Variants in TENM2 observed in about 807,000 individuals in gnomAD.
TENM2 encodes teneurin transmembrane protein 2.
A neutral mutation model predicts 245.2 loss-of-function variants in TENM2; 52 were observed. The ratio of observed to expected loss-of-function variants is 0.21; its 90% confidence interval spans 0.17 to 0.27. TENM2 has a LOEUF of 0.27. TENM2 is among the 10% of genes least tolerant of loss of function. The pLI is 1.00. For missense variants in TENM2, 3,046 were observed against 3,666.8 expected (o/e 0.83, Z 4.37); for synonymous variants, 1,363 against 1,438.9 (o/e 0.95, Z 1.19).
chr5:167,485,258 A>C (rs1767986209), intron 2 of TENM2, among the ~76,000 whole-genome samples: 1 of 152,324 alleles, frequency 6.6e-6, no homozygotes, highest in Non-Finnish European at 1.5e-5. Flanking sequence ...AGGCTCTAGA[A>C]GCCTCCAGAT....
At chr5:167,117,983 G>A in the TENM2 span, among the ~76,000 whole-genome samples, 10 of 152,280 alleles carry the variant, frequency 6.6e-5, no homozygotes, top group South Asian at 2.1e-4. Context: ...AGGAAACACC[G>A]CAGTCCTAAT....
At chr5:167,327,601 A>G (rs2127783282) in intron 1 of TENM2, among the ~76,000 whole-genome samples, 1 of 152,332 alleles carries the variant, frequency 6.6e-6, no homozygotes, top group African/African-American at 2.4e-5. Flanking sequence ...ATGTTCAGAA[A>G]AAACCTCCCC....
At chr5:168,082,534 G>T (rs966870229) in intron 7 of TENM2, among the ~76,000 whole-genome samples, 1 of 152,164 alleles carries the variant, frequency 6.6e-6, no homozygotes, top group African/African-American at 2.4e-5. Context: ...AGAATTTTCA[G>T]CTTTTCTGTT....
At chr5:168,077,161 T>C (rs1264397952) in intron 7 of TENM2, among the ~76,000 whole-genome samples, 2 of 152,174 alleles carry the variant, frequency 1.3e-5, no homozygotes, top group African/African-American at 2.4e-5. Flanking sequence ...TGTTAACTCA[T>C]AGTAGCATCT....
At chr5:167,105,479 C>T in the TENM2 span, among the ~76,000 whole-genome samples, 2 of 152,156 alleles carry the variant, frequency 1.3e-5, no homozygotes, top group African/African-American at 2.4e-5. Flanking sequence ...GAGTCTAACA[C>T]CACGCCTAGT....
chr5:166,979,188 C>CCACCAGCAGCAGCAGCAGCAGCAG, the TENM2 span, among the ~76,000 whole-genome samples: 10 of 97,610 alleles, frequency 1.0e-4, no homozygotes, highest in African/African-American at 3.1e-4. Context: ...AGCAGCAGCA[C>CCACCAGCAGCAGCAGCAGCAGCAG]CACCACCAGC....
the TENM2 span, among the ~76,000 whole-genome samples, chr5:167,073,005 TAATAGA>T: frequency 6.6e-6 from 1 of 152,330 alleles, no homozygotes; most frequent in Non-Finnish European, 1.5e-5. Flanking sequence ...TAATGTATCT[TAATAGA>T]AATAGTGTGC....
intron 4 of TENM2, among the ~76,000 whole-genome samples, chr5:167,953,044 C>CT (rs1780245513): frequency 6.6e-6 from 1 of 152,198 alleles, no homozygotes; most frequent in African/African-American, 2.4e-5. Context: ...AGCTTGTTTA[C>CT]TTTCTCGGAT....
At chr5:167,578,826 A>T (rs932999056) in intron 2 of TENM2, among the ~76,000 whole-genome samples, 2 of 152,116 alleles carry the variant, frequency 1.3e-5, no homozygotes, top group African/African-American at 2.4e-5. Flanking sequence ...TGTGGAGACT[A>T]CTCTAACTAT....
At chr5:167,604,224 A>G (rs1003207641) in intron 2 of TENM2, among the ~76,000 whole-genome samples, 2 of 152,212 alleles carry the variant, frequency 1.3e-5, no homozygotes, top group African/African-American at 4.8e-5. Flanking sequence ...AATCAGAAAT[A>G]TTTATCAAGA....
chr5:167,441,160 T>C (rs77783666), intron 2 of TENM2, among the ~76,000 whole-genome samples: 262 of 152,246 alleles, frequency 1.7e-3, no homozygotes, highest in African/African-American at 6.1e-3. Flanking sequence ...TAATTGTCCT[T>C]TGGGTTTCCT....
At chr5:167,969,804 A>C (rs1238264827) in intron 4 of TENM2, among the ~76,000 whole-genome samples, 1 of 152,228 alleles carries the variant, frequency 6.6e-6, no homozygotes, top group Non-Finnish European at 1.5e-5. Flanking sequence ...ATTGAGTCTC[A>C]TGGAATCCAA....
At chr5:167,330,854 G>A (rs902060234) in intron 1 of TENM2, among the ~76,000 whole-genome samples, 3 of 152,136 alleles carry the variant, frequency 2.0e-5, no homozygotes, top group South Asian at 4.1e-4. Context: ...CAGGGAGTAC[G>A]TTTCATTCTT....
At chr5:167,932,858 C>G (rs1778392056) in intron 3 of TENM2, among the ~76,000 whole-genome samples, 1 of 152,158 alleles carries the variant, frequency 6.6e-6, no homozygotes, top group Admixed American at 6.5e-5. Flanking sequence ...TTGCCAACCC[C>G]AAAACCAAAC....
the TENM2 span, among the ~76,000 whole-genome samples, chr5:167,141,992 T>C: frequency 5.3e-5 from 8 of 152,084 alleles, no homozygotes; most frequent in African/African-American, 1.9e-4. Flanking sequence ...TGACAAGTAG[T>C]TAAAATATCT....
At position 167,796,613 on chromosome 5, in the gene TENM2, CGT is replaced by C. The variant is rs111717417; in HGVS notation, c.503-79353_503-79352del. 3.0e-3 allele frequency among the ~76,000 whole-genome samples: 442 copies of C among 147,544 alleles called. 9 individuals carry two copies. The South Asian group carries it at 0.044, about 15-fold the overall frequency. ...CATTTATCACAGTTCATTTGGGGTG[CGT>C]GTGTGTGTGTGTGTGTGTGCGTGTG... On this transcript the variant is annotated intron_variant, in intron 2 of 28. Coordinates refer to ENST00000518659, the Ensembl canonical transcript of TENM2.
the TENM2 span, among the ~76,000 whole-genome samples, chr5:167,093,682 G>C: frequency 6.6e-6 from 1 of 152,146 alleles, no homozygotes; most frequent in Non-Finnish European, 1.5e-5. Flanking sequence ...ACAAGTCTTG[G>C]ACTTTGTACC....
intron 2 of TENM2, among the ~76,000 whole-genome samples, chr5:167,768,044 G>T (rs561270177): frequency 6.6e-6 from 1 of 152,280 alleles, no homozygotes; most frequent in Non-Finnish European, 1.5e-5. Flanking sequence ...CTAGCATGTG[G>T]CTAGAGTTGT....
At chr5:167,706,708 C>T (rs371815369) in intron 2 of TENM2, among the ~76,000 whole-genome samples, 13 of 151,806 alleles carry the variant, frequency 8.6e-5, no homozygotes, top group East Asian at 5.8e-4. Flanking sequence ...TTTATATTCC[C>T]ATCAATAGTG....
Sources: allele counts gnomAD v4.1 joint callset (sites outside exome capture counted in the v4.1 genomes callset), GRCh38; gene constraint gnomAD v4.1.1; transcripts MANE v1.5; gene names NCBI Gene and HGNC (gene_info 2026-07-23, HGNC 2026-07-21).